The following ATRX variants were observed in gnomAD, a reference collection of about 807,000 sequenced individuals.
The protein encoded by ATRX is chromatin remodeler ATRX.
Under a neutral mutation model 172.6 loss-of-function variants are expected in ATRX, and 12 were observed. That is an observed-to-expected ratio of 0.07 (90% confidence interval 0.04 to 0.11). The LOEUF is 0.11. Among genes scored for constraint, ATRX ranks in the 10% least tolerant of loss-of-function variants. The pLI is 1.00. For missense variants in ATRX, 1,368 were observed against 1,767.4 expected (o/e 0.77, Z 4.05); for synonymous variants, 674 against 594.7 (o/e 1.13, Z -1.94).
At chrX:77,587,811 T>G (rs1456843945) in intron 27 of ATRX, among the ~76,000 whole-genome samples, 1 of 112,100 alleles carries the variant, frequency 8.9e-6, no homozygotes, top group African/African-American at 3.2e-5. Context: ...AAAATATTGG[T>G]GAAATAAATA....
chrX:77,757,080 C>T (rs1557190570), intron 1 of ATRX, among the ~76,000 whole-genome samples: 1 of 110,335 alleles, frequency 9.1e-6, no homozygotes, highest in African/African-American at 3.4e-5. Context: ...ACCACTGCAC[C>T]CGACCTATAT....
chrX:77,530,187 A>C (rs2063525258), intron 30 of ATRX, among the ~76,000 whole-genome samples: 2 of 112,014 alleles, frequency 1.8e-5, no homozygotes, highest in African/African-American at 6.5e-5. Flanking sequence ...CTGCTCCTTA[A>C]TGACTCTTGG....
Position 77,714,366 on chromosome X carries a change from T to C in ATRX, c.133+2765A>G, listed in dbSNP as rs781845283. Among the ~76,000 whole-genome samples the C allele has an allele frequency of 3.6e-5, 4 of 111,844 alleles. No individual in the cohort carries two copies. The South Asian group carries it at 1.5e-3, about 43-fold the overall frequency. ...ACCGGACTCCGAACCTACAGAACTG[T>C]AAAATAACAAATTTGGGTTGTTTTA... On this transcript the variant is annotated intron_variant, in intron 2 of 34. Transcript: ENST00000373344.
chrX:77,533,900 C>G (rs1264981154), intron 30 of ATRX, among the ~76,000 whole-genome samples: 1 of 112,254 alleles, frequency 8.9e-6, no homozygotes, highest in Non-Finnish European at 1.9e-5. Flanking sequence ...AATAGCTGCA[C>G]AGTGCTTATA....
intron 22 of ATRX, among the ~76,000 whole-genome samples, chrX:77,615,565 C>A (rs1425932356): frequency 9.0e-6 from 1 of 111,383 alleles, no homozygotes; most frequent in Admixed American, 9.6e-5. Flanking sequence ...AATCTATCAG[C>A]TTCTGACAGA....
intron 25 of ATRX, 57 bp downstream of exon 25, chrX:77,599,354 G>A (rs181962111): frequency 1.0e-5 from 12 of 1,171,882 alleles, no homozygotes; most frequent in East Asian, 3.0e-5. Context: ...AAGGACTAAC[G>A]ACATGACATT....
intron 28 of ATRX, among the ~76,000 whole-genome samples, chrX:77,567,708 C>T (rs1030153683): frequency 5.5e-5 from 6 of 109,841 alleles, no homozygotes; most frequent in Non-Finnish European, 1.1e-4. Context: ...AGAACCTCAT[C>T]GAAAAACAAA....
chrX:77,664,907 A>T, intron 10 of ATRX, 129 bp from the exon 11 acceptor site: 1 of 668,594 alleles, frequency 1.5e-6, no homozygotes, highest in South Asian at 3.0e-5. Flanking sequence ...TATTGTAAAT[A>T]AACAACTAGC....
chrX:77,672,648 C>T (rs1557131571), intron 10 of ATRX, among the ~76,000 whole-genome samples: 1 of 109,846 alleles, frequency 9.1e-6, no homozygotes, highest in African/African-American at 3.3e-5. Flanking sequence ...AACAATGGGA[C>T]AATTTTTTTT....
At chrX:77,526,869 C>G (rs1177530249) in intron 30 of ATRX, among the ~76,000 whole-genome samples, 1 of 112,447 alleles carries the variant, frequency 8.9e-6, no homozygotes, top group Non-Finnish European at 1.9e-5. Flanking sequence ...TCAGACATGA[C>G]TGTCTAAGGT....
chrX:77,632,778 A>G (rs2068171162), intron 19 of ATRX, among the ~76,000 whole-genome samples: 1 of 112,105 alleles, frequency 8.9e-6, no homozygotes. Flanking sequence ...TATTGAAAAT[A>G]TTAACCTTTC....
intron 1 of ATRX, among the ~76,000 whole-genome samples, chrX:77,720,189 G>C (rs1157372365): frequency 2.7e-5 from 3 of 111,921 alleles, no homozygotes; most frequent in African/African-American, 9.8e-5. Context: ...AGTGTGTACA[G>C]GGAAATTTAT....
intron 22 of ATRX, among the ~76,000 whole-genome samples, chrX:77,608,353 A>G (rs918745439): frequency 1.2e-3 from 118 of 96,990 alleles, no homozygotes; most frequent in African/African-American, 4.5e-3. Context: ...TGGACAACAG[A>G]GCGAGACCCC....
chrX:77,590,336 C>T (rs781877852), intron 26 of ATRX, among the ~76,000 whole-genome samples: 2 of 110,863 alleles, frequency 1.8e-5, no homozygotes, highest in Non-Finnish European at 3.8e-5. Context: ...GGTAGCCGGG[C>T]GCAGTGGCTC....
intron 22 of ATRX, among the ~76,000 whole-genome samples, chrX:77,602,609 G>C (rs975048699): frequency 2.7e-5 from 3 of 109,706 alleles, no homozygotes; most frequent in African/African-American, 6.6e-5. Flanking sequence ...CTGTGTTTTT[G>C]TTTTCATTAA....
At chrX:77,762,906 GA>G (rs1240293658) in intron 1 of ATRX, among the ~76,000 whole-genome samples, 1 of 110,387 alleles carries the variant, frequency 9.1e-6, no homozygotes, top group African/African-American at 3.3e-5. Context: ...GGCACCAGAA[GA>G]AAAAAAATCA....
intron 1 of ATRX, among the ~76,000 whole-genome samples, chrX:77,759,342 A>C: frequency 9.1e-6 from 1 of 110,036 alleles, no homozygotes; most frequent in East Asian, 2.8e-4. Flanking sequence ...AACAGTCTTT[A>C]GTAGCACCAA....
At position 77,730,783 on chromosome X, in the gene ATRX, A is replaced by G. The variant is rs2074263400; in HGVS notation, c.21-13540T>C. 2.7e-5 allele frequency among the ~76,000 whole-genome samples: 3 copies of G among 111,729 alleles called. No homozygotes were observed. The Admixed American group carries it at 2.9e-4, about 11-fold the overall frequency. On this transcript the variant is annotated intron_variant, in intron 1 of 34. Transcript: ENST00000373344. The stretch of plus-strand genomic sequence containing the variant: ...AGAAAATTGGAAAATTCATTGAAAC[A>G]AATGATACTGAAACACAACATACCA...
intron 33 of ATRX, chrX:77,521,150 A>T (rs782397013): frequency 5.5e-5 from 24 of 433,482 alleles, no homozygotes; most frequent in Non-Finnish European, 6.8e-5. Flanking sequence ...CTGGTAATTA[A>T]AATGTTTATA....
Sources: allele counts gnomAD v4.1 joint callset (sites outside exome capture counted in the v4.1 genomes callset), GRCh38; gene constraint gnomAD v4.1.1; transcripts MANE v1.5; gene names NCBI Gene and HGNC (gene_info 2026-07-23, HGNC 2026-07-21).